GPHB5: variants seen among roughly 807,000 people sequenced by gnomAD.
GPHB5 encodes glycoprotein hormone beta-5.
GPHB5 carries 7 observed loss-of-function variants against 10.1 expected under a neutral mutation model. The observed-to-expected ratio is 0.69, with a 90% CI of 0.39 to 1.30. The LOEUF is 1.30. Ranked by LOEUF, GPHB5 falls within the 50% of genes most tolerant of loss-of-function variation. GPHB5 has a pLI of 0.01. For synonymous variants in GPHB5, 68 were observed against 70.1 expected, an observed-to-expected ratio of 0.97 and a Z score of 0.15; for missense variants, 161 against 169.8, an observed-to-expected ratio of 0.95 and a Z score of 0.29.
Position 63,312,875 on chromosome 14 carries a change from A to G in GPHB5, c.*53T>C, listed in dbSNP as rs1365843627. ...TTAAACAGTCTTGCATCCAGGAAGTATAACTGCATGTGCTGCTCACACAGG... is the reference window on the plus strand; with the variant it reads ...TTAAACAGTCTTGCATCCAGGAAGTGTAACTGCATGTGCTGCTCACACAGG... On this transcript the variant is annotated 3_prime_UTR_variant, in exon 3 of 3. Transcript: ENST00000621500. The G allele has an allele frequency of 6.7e-6, 10 of 1,484,054 alleles. No individual in the cohort carries two copies. Among genetic ancestry groups the G allele is most frequent in the Non-Finnish European group, 8.2e-6 (9 of 1,100,008 alleles). The allele number at this position is 1,484,054 out of a possible 1,614,324, so 91.9% of individuals were successfully genotyped here.
chr14:63,313,101 G>A lies in GPHB5; in HGVS notation c.220C>T (p.Pro74Ser), dbSNP rs558172699. The A allele has an allele frequency of 1.3e-5, 21 of 1,596,962 alleles. No individual in the cohort carries two copies. Among genetic ancestry groups the A allele is most frequent in the African/African-American group, 5.4e-5 (4 of 73,710 alleles). ...CGATGATGGGCTTCAATATAGGGGG[G>A]TTCCAGAATGGGTTTCTGTCCCCAT... is the stretch of plus-strand genomic sequence containing the variant. ...CETWEKPILE[P>S]PYIEAHHRVC... The change falls in exon 3 of 3, where the codon CCC becomes TCC. Residue 74 changes from proline (P) to serine (S), a missense_variant. Pro to Ser is a moderately conservative substitution (Grantham distance 74). Transcript: ENST00000621500.
chr14:63,318,116 G>A (rs999678887), intron 1 of GPHB5, among the ~76,000 whole-genome samples: 1 of 152,214 alleles, frequency 6.6e-6, no homozygotes, highest in East Asian at 1.9e-4. Context: ...CTTAACTGCT[G>A]CAGTTGACTT....
chr14:63,313,155 A>G (rs769384368), intron 2 of GPHB5, 39 bp from the exon 3 acceptor site: 1 of 1,459,050 alleles, frequency 6.9e-7, no homozygotes, highest in East Asian at 2.5e-5. Context: ...TCATTAGAAC[A>G]TATGATCTTG....
intron 2 of GPHB5, among the ~76,000 whole-genome samples, chr14:63,314,569 C>T (rs929378519): frequency 6.6e-6 from 1 of 151,902 alleles, no homozygotes; most frequent in Non-Finnish European, 1.5e-5. Flanking sequence ...CCCACCACCA[C>T]GCCTGGCTCA....
Position 63,313,122 on chromosome 14 carries a change from C to A in GPHB5, c.205-6G>T, listed in dbSNP as rs750478786. ...GGGGGTTCCAGAATGGGTTTCTGTC[C>A]CCATAGATAGAAAACAGAGAATTCA... On this transcript the variant is annotated splice_region_variant and splice_polypyrimidine_tract_variant and intron_variant, in intron 2 of 2. Transcript: ENST00000621500. 4 of 1,563,678 alleles carry A rather than the reference C, an allele frequency of 2.6e-6. No homozygotes were observed. The Admixed American group carries it at 7.4e-5, about 29-fold the overall frequency.
At chr14:63,313,252 A>G in intron 2 of GPHB5, 136 bp from the exon 3 acceptor site, 1 of 842,188 alleles carries the variant, frequency 1.2e-6, no homozygotes, top group South Asian at 1.8e-5. Context: ...TCCCAGTAGA[A>G]AACAAACTCC....
chr14:63,314,865 G>A (rs906923565), intron 2 of GPHB5, among the ~76,000 whole-genome samples: 11 of 148,620 alleles, frequency 7.4e-5, no homozygotes, highest in African/African-American at 2.7e-4. Context: ...TTGCATGAAT[G>A]TCATGAAAAT....
At position 63,312,898 on chromosome 14, in the gene GPHB5, A is replaced by G. The variant is rs1164355489; in HGVS notation, c.*30T>C. On this transcript the variant is annotated 3_prime_UTR_variant, in exon 3 of 3. Coordinates refer to ENST00000621500, the MANE Select transcript of GPHB5 (RefSeq NM_145171.4). ...GTATAACTGCATGTGCTGCTCACAC[A>G]GGTGGGTCTGCAGAGAGCAGCTAGC... 1 of 1,537,696 alleles carries G rather than the reference A, an allele frequency of 6.5e-7. No homozygotes were observed. The highest frequency in any genetic ancestry group is 1.4e-5 in the African/African-American group (1 of 72,878).
chr14:63,313,238 C>T, intron 2 of GPHB5, 122 bp from the exon 3 acceptor site: 9 of 946,722 alleles, frequency 9.5e-6, no homozygotes, highest in Admixed American at 5.6e-5. Context: ...GTTGCTCTGT[C>T]GTCTCCCAGT....
At position 63,315,034 on chromosome 14, in the gene GPHB5, C is replaced by G. The variant is rs1411321868; in HGVS notation, c.205-1918G>C. ...TCTTCTGCCTCAGCCTCCCAAGTAG[C>G]TGGGACTACAGGTGCATACCACCAT... is the stretch of plus-strand genomic sequence containing the variant. On this transcript the variant is annotated intron_variant, in intron 2 of 2. Transcript: ENST00000621500. 2.6e-5 allele frequency among the ~76,000 whole-genome samples: 4 copies of G among 151,774 alleles called. No homozygotes were observed. In the East Asian group the frequency reaches 7.8e-4, roughly 29 times the overall value.
chr14:63,313,025 C>T lies in GPHB5; in HGVS notation c.296G>A (p.Cys99Tyr). 6.3e-7 allele frequency: 1 copy of T among 1,599,184 alleles called. No individual in the cohort carries two copies. Among genetic ancestry groups the T allele is most frequent in the Non-Finnish European group, 8.5e-7 (1 of 1,172,646 alleles). ...GTAGAAGGGGTCGACTCCCGGGGCA[C>T]AGTTGGGCAGCTTGACAGTCACCTG... is the stretch of plus-strand genomic sequence containing the variant. ...TKQVTVKLPN[C>Y]APGVDPFYTY... Residue 99 changes from cysteine to tyrosine, a missense_variant, in exon 3 of 3, where the codon TGT becomes TAT. Transcript: ENST00000621500.
In GPHB5 at chr14:63,312,952, GGCAGTGGA is replaced by G. The variant is rs1265605624; in HGVS notation, c.361_368del (p.Ser121HisfsTer5). 11 of 1,553,764 alleles carry G rather than the reference GGCAGTGGA, an allele frequency of 7.1e-6. No individual in the cohort carries two copies. The highest frequency in any genetic ancestry group is 9.6e-6 in the Non-Finnish European group (11 of 1,148,166). ...CTCAGATGGTCTCACACTCCGTGGT[GGCAGTGGA>G]GCAGGCTCCGCAGTCACAGCGGATG... On this transcript the variant is annotated frameshift_variant, in exon 3 of 3. Transcript: ENST00000621500. LOFTEE classifies it high-confidence loss of function.
chr14:63,315,051 T>C (rs912001364), intron 2 of GPHB5, among the ~76,000 whole-genome samples: 5 of 151,846 alleles, frequency 3.3e-5, no homozygotes, highest in Non-Finnish European at 7.4e-5. Flanking sequence ...TACAGGTGCA[T>C]ACCACCATGC....
At chr14:63,314,320 T>G (rs1882729403) in intron 2 of GPHB5, among the ~76,000 whole-genome samples, 1 of 152,076 alleles carries the variant, frequency 6.6e-6, no homozygotes, top group Non-Finnish European at 1.5e-5. Context: ...TTTCCTCCTC[T>G]GTAAAACAAA....
At position 63,312,881 on chromosome 14, in the gene GPHB5, G is replaced by A; in HGVS notation, c.*47C>T. ...AGTCTTGCATCCAGGAAGTATAACT[G>A]CATGTGCTGCTCACACAGGTGGGTC... On this transcript the variant is annotated 3_prime_UTR_variant, in exon 3 of 3. Transcript: ENST00000621500. The A allele has an allele frequency of 1.3e-6, 2 of 1,503,644 alleles. No homozygotes were observed. Among genetic ancestry groups the A allele is most frequent in the East Asian group, 2.5e-5 (1 of 40,542 alleles). 93.1% of individuals were successfully genotyped at this position (1,503,644 alleles called of 1,614,324 possible).
In GPHB5 at chr14:63,312,976, A is replaced by G. The variant is rs534120208; in HGVS notation, c.345T>C (p.Cys115=). 2 of 1,560,068 alleles carry G rather than the reference A, an allele frequency of 1.3e-6. No homozygotes were observed. Among genetic ancestry groups the G allele is most frequent in the East Asian group, 2.4e-5 (1 of 41,796 alleles). ...PFYTYPVAIR[C]DCGACSTATT... ...TGGCAGTGGAGCAGGCTCCGCAGTC[A>G]CAGCGGATGGCCACGGGATAGGTGT... The change falls in exon 3 of 3, where the codon TGT becomes TGC. Residue 115 remains cysteine, a synonymous_variant. Transcript: ENST00000621500.
intron 1 of GPHB5, 116 bp downstream of exon 1, chr14:63,318,708 C>T (rs572622685): frequency 6.6e-6 from 1 of 152,184 alleles, no homozygotes; most frequent in Admixed American, 6.5e-5. Flanking sequence ...ATTCATGGAC[C>T]TTTACCCCCT....
intron 1 of GPHB5, 89 bp from the exon 2 acceptor site, chr14:63,317,939 G>A (rs769643146): frequency 2.9e-5 from 34 of 1,187,646 alleles, no homozygotes; most frequent in Non-Finnish European, 3.9e-5. Flanking sequence ...ACTATCAAAG[G>A]GACCTTGCTC....
Position 63,317,840 on chromosome 14 carries a change from C to T in GPHB5, c.10G>A (p.Ala4Thr). The T allele has an allele frequency of 6.2e-7, 1 of 1,613,978 alleles. No homozygotes were observed. The highest frequency in any genetic ancestry group is 8.5e-7 in the Non-Finnish European group (1 of 1,179,850). The change falls in exon 2 of 3, where the codon GCA becomes ACA. Residue 4 changes from alanine to threonine, a missense_variant. By Grantham distance (58) the Ala-to-Thr change is moderately conservative. Coordinates refer to ENST00000621500, the MANE Select transcript of GPHB5 (RefSeq NM_145171.4). MKL[A>T]FLFLGPMALL... Reference sequence around the variant, plus strand: ...GCCATGGGGCCAAGGAAGAGGAATGCCAGCTTCATGCTGCTCTTCCGGAGA... The same window carrying T: ...GCCATGGGGCCAAGGAAGAGGAATGTCAGCTTCATGCTGCTCTTCCGGAGA...
Sources: gnomAD v4.1 joint callset for allele counts (sites outside exome capture counted in the v4.1 genomes callset) on GRCh38, gnomAD v4.1.1 for gene constraint, MANE v1.5 for transcripts, NCBI Gene and HGNC (gene_info 2026-07-23, HGNC 2026-07-21) for gene names.